The following EXOC4 variants were observed in gnomAD, a reference collection of about 807,000 sequenced individuals.
EXOC4 encodes SEC8-like 1.
In EXOC4, 71 loss-of-function variants were observed where a neutral mutation model predicts 107.2. That is an observed-to-expected ratio of 0.66 (90% CI 0.55 to 0.81). The LOEUF is 0.81. EXOC4 is among the 30% of genes least tolerant of loss of function. EXOC4 has a pLI of 0.00. For missense variants in EXOC4, 1,108 were observed against 1,189.6 expected, an observed-to-expected ratio of 0.93 and a Z score of 1.01; for synonymous variants, 456 against 441.2, an observed-to-expected ratio of 1.03 and a Z score of -0.42.
chr7:133,291,083 C>T (rs1319720353), intron 3 of EXOC4: 2 of 151,726 alleles, frequency 1.3e-5, no homozygotes, highest in Non-Finnish European at 2.9e-5. Flanking sequence ...TAGATTGAGC[C>T]AGGTTGGGTA....
intron 7 of EXOC4, among the ~76,000 whole-genome samples, chr7:133,433,056 T>C (rs1330925411): frequency 6.6e-6 from 1 of 152,232 alleles, no homozygotes; most frequent in Non-Finnish European, 1.5e-5. Context: ...CTCATTCTTA[T>C]TTTCGAATGG....
chr7:134,021,705 CAGATGG>C (rs1795033004), intron 17 of EXOC4, among the ~76,000 whole-genome samples: 1 of 126,904 alleles, frequency 7.9e-6, no homozygotes, highest in South Asian at 2.4e-4. Context: ...TTCTCAGTTG[CAGATGG>C]AGTCAAACCA....
At chr7:133,712,125 T>C (rs1294399627) in intron 10 of EXOC4, among the ~76,000 whole-genome samples, 1 of 151,968 alleles carries the variant, frequency 6.6e-6, no homozygotes, top group Non-Finnish European at 1.5e-5. Context: ...AAATAACAAG[T>C]CTTGCCAGGA....
chr7:134,084,709 T>TAAAAAAAAAAAAAAAAAAAA, the EXOC4 span, among the ~76,000 whole-genome samples: 3 of 83,178 alleles, frequency 3.6e-5, no homozygotes, highest in African/African-American at 1.5e-4. Flanking sequence ...GGTGCAGCCG[T>TAAAAAAAAAAAAAAAAAAAA]AAAAAAAAAA....
chr7:133,388,957 A>G (rs1796790887), intron 7 of EXOC4, among the ~76,000 whole-genome samples: 2 of 152,018 alleles, frequency 1.3e-5, no homozygotes, highest in South Asian at 4.2e-4. Context: ...TTTGCTATTT[A>G]TTTTTGTCCT....
intron 11 of EXOC4, among the ~76,000 whole-genome samples, chr7:133,860,119 A>G (rs994074329): frequency 1.3e-5 from 2 of 152,214 alleles, no homozygotes; most frequent in Admixed American, 6.5e-5. Flanking sequence ...CTGAAGGCCA[A>G]GAGAGCACCA....
intron 14 of EXOC4, among the ~76,000 whole-genome samples, chr7:133,976,569 AT>A (rs5887653): frequency 0.69 from 105,097 of 151,954 alleles, 36,724 homozygotes; most frequent in East Asian, 0.91. Context: ...TAGTTAGCAC[AT>A]GGAAAAGAAT....
chr7:133,416,595 A>C (rs970112275), intron 7 of EXOC4, among the ~76,000 whole-genome samples: 1 of 152,180 alleles, frequency 6.6e-6, no homozygotes, highest in African/African-American at 2.4e-5. Context: ...TGTGAAAAAC[A>C]TGGGAAGATG....
chr7:133,516,784 A>T (rs1799885498), intron 9 of EXOC4, among the ~76,000 whole-genome samples: 1 of 2,824 alleles, frequency 3.5e-4, no homozygotes. Context: ...CAGAATTTAT[A>T]CCACTTATTT....
intron 10 of EXOC4, among the ~76,000 whole-genome samples, chr7:133,759,575 G>A (rs1795992089): frequency 6.6e-6 from 1 of 152,180 alleles, no homozygotes; most frequent in African/African-American, 2.4e-5. Context: ...ATGGTTACAT[G>A]ACTAGTAAAT....
intron 9 of EXOC4, among the ~76,000 whole-genome samples, chr7:133,524,574 G>A (rs374644943): frequency 7.5e-4 from 111 of 148,156 alleles, no homozygotes; most frequent in Middle Eastern, 3.4e-3. Flanking sequence ...ATGGTTTTAG[G>A]TCTAACATTT....
intron 14 of EXOC4, among the ~76,000 whole-genome samples, chr7:133,992,202 A>G (rs1794277233): frequency 6.6e-6 from 1 of 151,818 alleles, no homozygotes. Context: ...GGTTTTTCTT[A>G]TTGTAAATTG....
intron 10 of EXOC4, among the ~76,000 whole-genome samples, chr7:133,777,822 A>G (rs957451709): frequency 1.3e-5 from 2 of 152,230 alleles, no homozygotes; most frequent in African/African-American, 2.4e-5. Context: ...TTGTTAATAC[A>G]TGTAAAGTTA....
At chr7:133,683,036 T>C (rs536681717) in intron 10 of EXOC4, among the ~76,000 whole-genome samples, 1 of 152,298 alleles carries the variant, frequency 6.6e-6, no homozygotes, top group South Asian at 2.1e-4. Flanking sequence ...TGAAGGCTCA[T>C]TTAAAAGTCC....
intron 10 of EXOC4, among the ~76,000 whole-genome samples, chr7:133,804,910 G>A (rs947969673): frequency 6.6e-6 from 1 of 151,872 alleles, no homozygotes; most frequent in Non-Finnish European, 1.5e-5. Flanking sequence ...CTAAAACATA[G>A]CCTTAAAATA....
chr7:134,100,228 T>C, the EXOC4 span, among the ~76,000 whole-genome samples: 1 of 151,966 alleles, frequency 6.6e-6, no homozygotes, highest in Non-Finnish European at 1.5e-5. Context: ...GGAGATGCCG[T>C]GTGAAGACTT....
chr7:133,887,576 G>C (rs1435538545), intron 11 of EXOC4, among the ~76,000 whole-genome samples: 1 of 152,106 alleles, frequency 6.6e-6, no homozygotes, highest in Non-Finnish European at 1.5e-5. Context: ...GAGTAAAGGA[G>C]CAATCCAATT....
At chr7:133,314,516 C>G (rs1399209675) in intron 4 of EXOC4, among the ~76,000 whole-genome samples, 1 of 152,096 alleles carries the variant, frequency 6.6e-6, no homozygotes, top group Non-Finnish European at 1.5e-5. Flanking sequence ...ATAAAATCAG[C>G]AGGTTATATT....
chr7:133,475,328 A>G lies in EXOC4; in HGVS notation c.1183A>G (p.Met395Val). 6.2e-7 allele frequency: 1 copy of G among 1,609,742 alleles called. No homozygotes were observed. Among genetic ancestry groups the G allele is most frequent in the African/African-American group, 1.3e-5 (1 of 74,914 alleles). Residue 395 changes from methionine (M) to valine (V), a missense_variant and splice_region_variant, in exon 8 of 18, where the codon ATG (methionine) becomes GTG (valine). Met to Val is a conservative substitution (Grantham distance 21, BLOSUM62 1). Coordinates refer to ENST00000253861, the MANE Select transcript of EXOC4 (RefSeq NM_021807.4). ...TTAACTGATTTATCTGGTTGTACAG[A>G]TGCTATTAACTGAGTACTTGGATAT... ...VWVKIQDVLQMLLTEYLDMKN... is the reference protein window; with the variant it reads ...VWVKIQDVLQVLLTEYLDMKN...
Sources: allele counts gnomAD v4.1 joint callset (sites outside exome capture counted in the v4.1 genomes callset), GRCh38; gene constraint gnomAD v4.1.1; transcripts MANE v1.5; gene names NCBI Gene and HGNC (gene_info 2026-07-23, HGNC 2026-07-21).